The following SLC16A10 variants were observed in gnomAD, a reference collection of about 807,000 sequenced individuals.
The protein encoded by SLC16A10 is solute carrier family 16 member 10.
A neutral mutation model predicts 40.0 loss-of-function variants in SLC16A10; 27 were observed. That is an observed-to-expected ratio of 0.67 (90% CI 0.50 to 0.93). SLC16A10 has a LOEUF of 0.93. Among genes scored for constraint, SLC16A10 ranks in the 40% least tolerant of loss-of-function variants. SLC16A10 has a pLI of 0.00. For missense variants in SLC16A10, 529 were observed against 658.2 expected (o/e 0.80, Z 2.15); for synonymous variants, 213 against 249.8 (o/e 0.85, Z 1.39).
intron 4 of SLC16A10, among the ~76,000 whole-genome samples, chr6:111,212,025 G>A (rs1474765258): frequency 6.6e-6 from 1 of 152,154 alleles, no homozygotes; most frequent in African/African-American, 2.4e-5. Context: ...TCCCCTGGAA[G>A]CCAGTTCTGA....
chr6:111,088,391 C>T (rs1365493383), intron 1 of SLC16A10, among the ~76,000 whole-genome samples: 1 of 152,214 alleles, frequency 6.6e-6, no homozygotes, highest in Non-Finnish European at 1.5e-5. Flanking sequence ...TAACAGTCCA[C>T]AGGAGCCCTT....
At chr6:111,144,820 A>G (rs1240562859) in intron 1 of SLC16A10, among the ~76,000 whole-genome samples, 5 of 152,162 alleles carry the variant, frequency 3.3e-5, no homozygotes, top group Admixed American at 6.5e-5. Flanking sequence ...AAAAATCATA[A>G]AATTTTGTTT....
chr6:111,107,180 CTG>C (rs1354730799), intron 1 of SLC16A10, among the ~76,000 whole-genome samples: 1 of 152,092 alleles, frequency 6.6e-6, no homozygotes, highest in Non-Finnish European at 1.5e-5. Flanking sequence ...TGAAAAAAAA[CTG>C]TGCATGGATT....
intron 1 of SLC16A10, among the ~76,000 whole-genome samples, chr6:111,089,908 GTTTTTTTTTTTTTTTTTTTTTTTTTT>G (rs541758500): frequency 3.8e-5 from 2 of 52,296 alleles, no homozygotes; most frequent in South Asian, 6.9e-4. Context: ...CTGTGGGTGG[GTTTTTTTTTTTTTTTTTTTTTTTTTT>G]TTTTTTTTTT....
chr6:111,167,094 A>G (rs1772486725), intron 1 of SLC16A10, among the ~76,000 whole-genome samples: 1 of 152,200 alleles, frequency 6.6e-6, no homozygotes, highest in Non-Finnish European at 1.5e-5. Flanking sequence ...ATTTGTTTTT[A>G]TATTCCCAAC....
In SLC16A10 at chr6:111,180,388, A is replaced by G. The variant is rs7775417; in HGVS notation, c.942+2723A>G. 8.2e-3 allele frequency among the ~76,000 whole-genome samples: 1,253 copies of G among 152,260 alleles called. 26 individuals are homozygous for G. Among genetic ancestry groups the G allele is most frequent in the African/African-American group, 0.029 (1,191 of 41,540 alleles). On this transcript the variant is annotated intron_variant, in intron 3 of 5. Transcript: ENST00000368851. Reference sequence around the variant, plus strand: ...GTGAGATTCCATCTCTACAAAAAGTAATTTAAAAAAATTATCTGGGCATGG... The same window carrying G: ...GTGAGATTCCATCTCTACAAAAAGTGATTTAAAAAAATTATCTGGGCATGG...
intron 4 of SLC16A10, among the ~76,000 whole-genome samples, chr6:111,217,922 G>A (rs1770797350): frequency 6.6e-6 from 1 of 152,094 alleles, no homozygotes; most frequent in South Asian, 2.1e-4. Context: ...GGGTAGGAAC[G>A]AAATCTTATT....
intron 1 of SLC16A10, among the ~76,000 whole-genome samples, chr6:111,167,103 A>G (rs774385306): frequency 6.6e-6 from 1 of 152,230 alleles, no homozygotes; most frequent in Non-Finnish European, 1.5e-5. Flanking sequence ...TATATTCCCA[A>G]CAGCCTAGGA....
Position 111,228,956 on chromosome 6 carries a change from G to A in SLC16A10, c.*6721G>A. ...AGGCAGGAGAATTGCTTGAACCCAG[G>A]AGGTGGAGGTTGCAGTGAGCCAAGA... is the stretch of plus-strand genomic sequence containing the variant. On this transcript the variant is annotated 3_prime_UTR_variant, in exon 6 of 6. Coordinates refer to ENST00000368851, the MANE Select transcript of SLC16A10 (RefSeq NM_018593.5). The A allele has an allele frequency of 6.6e-6, 1 of 150,390 alleles. No individual in the cohort carries two copies. The highest frequency in any genetic ancestry group is 1.5e-5 in the Non-Finnish European group (1 of 67,964). 9.3% of individuals were successfully genotyped at this position (150,390 alleles called of 1,614,324 possible). A position where few individuals can be genotyped will look rare whatever the true frequency, so the allele number is the denominator to read the frequency against.
chr6:111,101,119 C>G (rs1197621217), intron 1 of SLC16A10, among the ~76,000 whole-genome samples: 2 of 151,272 alleles, frequency 1.3e-5, no homozygotes, highest in Non-Finnish European at 2.9e-5. Context: ...CAGCCTCGAC[C>G]TCCTGGGCTC....
At chr6:111,159,377 A>T (rs1182957974) in intron 1 of SLC16A10, among the ~76,000 whole-genome samples, 1 of 152,206 alleles carries the variant, frequency 6.6e-6, no homozygotes, top group African/African-American at 2.4e-5. Flanking sequence ...CTCCTTGTGC[A>T]CATGTGCAAA....
chr6:111,105,662 CAAAGTACTTTTCAATGCAT>C (rs1344405673), intron 1 of SLC16A10, among the ~76,000 whole-genome samples: 1 of 152,192 alleles, frequency 6.6e-6, no homozygotes, highest in Non-Finnish European at 1.5e-5. Flanking sequence ...AAGAGAGTGT[CAAAGTACTTTTCAATGCAT>C]AAAGCACTAC....
chr6:111,230,763 C>T lies in SLC16A10; in HGVS notation c.*8528C>T, dbSNP rs1265175094. The T allele has an allele frequency of 6.6e-6, 1 of 152,098 alleles. No homozygotes were observed. Among genetic ancestry groups the T allele is most frequent in the Non-Finnish European group, 1.5e-5 (1 of 68,014 alleles). 9.4% of individuals were successfully genotyped at this position (152,098 alleles called of 1,614,324 possible). A position where few individuals can be genotyped will look rare whatever the true frequency, so the allele number is the denominator to read the frequency against. ...TATAATATGACATTGTTCATGTGGA[C>T]TTATTTTAATGTTTATTTGAAAATT... On this transcript the variant is annotated 3_prime_UTR_variant, in exon 6 of 6. Transcript: ENST00000368851.
chr6:111,217,556 T>A (rs1475759285), intron 4 of SLC16A10, among the ~76,000 whole-genome samples: 2 of 152,114 alleles, frequency 1.3e-5, no homozygotes, highest in Admixed American at 1.3e-4. Context: ...TTCACGCCAT[T>A]CTCCTGCCTT....
intron 1 of SLC16A10, among the ~76,000 whole-genome samples, chr6:111,145,346 A>C (rs1163772249): frequency 1.3e-5 from 2 of 152,180 alleles, no homozygotes; most frequent in Non-Finnish European, 2.9e-5. Context: ...GGCTGCAATA[A>C]GCCATGTTTG....
intron 1 of SLC16A10, among the ~76,000 whole-genome samples, chr6:111,121,716 A>G: frequency 6.6e-6 from 1 of 152,210 alleles, no homozygotes; most frequent in African/African-American, 2.4e-5. Context: ...ATGTTATAGC[A>G]GAGAACCAGC....
In SLC16A10 at chr6:111,163,653, C is replaced by T. The variant is rs79490142; in HGVS notation, c.344-9042C>T. Among the ~76,000 whole-genome samples the T allele has an allele frequency of 2.5e-3, 376 of 152,254 alleles. 14 individuals are homozygous for T. The East Asian group carries it at 0.064, about 26-fold the overall frequency. On this transcript the variant is annotated intron_variant, in intron 1 of 5. Transcript: ENST00000368851. ...CTCTTTTGGATGCTCCAGGAGCCCTCTGTAGTATTCAAAAGTAAGGGGTCA... is the reference window on the plus strand; with the variant it reads ...CTCTTTTGGATGCTCCAGGAGCCCTTTGTAGTATTCAAAAGTAAGGGGTCA...
intron 1 of SLC16A10, among the ~76,000 whole-genome samples, chr6:111,114,415 C>T (rs1489899135): frequency 6.6e-6 from 1 of 152,100 alleles, no homozygotes; most frequent in African/African-American, 2.4e-5. Flanking sequence ...TGCTAAGATG[C>T]ACTATTATTT....
intron 1 of SLC16A10, among the ~76,000 whole-genome samples, chr6:111,121,284 G>T (rs1051681445): frequency 2.0e-5 from 3 of 152,182 alleles, no homozygotes; most frequent in Non-Finnish European, 4.4e-5. Context: ...TATTGTGGCC[G>T]GCAACGGTGG....
Sources: allele counts gnomAD v4.1 joint callset (sites outside exome capture counted in the v4.1 genomes callset), GRCh38; gene constraint gnomAD v4.1.1; transcripts MANE v1.5; gene names NCBI Gene and HGNC (gene_info 2026-07-23, HGNC 2026-07-21).